ZNF569: variants seen among roughly 807,000 people sequenced by gnomAD.
ZNF569 encodes zinc finger protein 569, also known as DNA-binding protein.
A neutral mutation model predicts 56.3 loss-of-function variants in ZNF569; 38 were observed. The observed-to-expected ratio is 0.68, with a 90% CI of 0.52 to 0.88. The LOEUF is 0.88. ZNF569 is among the 40% of genes least tolerant of loss of function. The pLI, the probability that ZNF569 is intolerant of heterozygous loss-of-function variation, is 0.00. For missense variants in ZNF569, 666 were observed against 809.2 expected, an observed-to-expected ratio of 0.82 and a Z score of 2.15; for synonymous variants, 241 against 262.9, an observed-to-expected ratio of 0.92 and a Z score of 0.81.
chr19:37,445,894 T>C (rs149610400), intron 2 of ZNF569, among the ~76,000 whole-genome samples: 1 of 152,012 alleles, frequency 6.6e-6, no homozygotes, highest in East Asian at 1.9e-4. Context: ...ACAAATTTGA[T>C]GCAATTCCCA....
At chr19:37,422,416 A>G (rs2146878800) in intron 5 of ZNF569, among the ~76,000 whole-genome samples, 1 of 152,292 alleles carries the variant, frequency 6.6e-6, no homozygotes, top group South Asian at 2.1e-4. Flanking sequence ...AAACAATGAC[A>G]ACAGTAACAT....
rs372002839 is a variant in ZNF569 at position 37,414,244 on chromosome 19, C to T, written c.414G>A (p.Glu138=). ...DFFPSRHNLY[E]YDLFGKCLEH... ...CTAAACACTTTCCAAATAAGTCATA[C>T]TCATAGAGATTGTGTCTGGAAGGGA... The change falls in exon 6 of 6, where the codon GAG becomes GAA. Residue 138 remains glutamate, a synonymous_variant. Transcript: ENST00000316950. 4.0e-5 allele frequency: 64 copies of T among 1,613,328 alleles called. No homozygotes were observed. The Middle Eastern group carries it at 8.2e-4, about 21-fold the overall frequency.
At chr19:37,467,786 A>G, upstream of ZNF569, 1 of 1,178,820 alleles carries the variant, frequency 8.5e-7, no homozygotes, top group Non-Finnish European at 1.2e-6. Context: ...GACCCTGTCC[A>G]GTGACATCTG....
intron 2 of ZNF569, among the ~76,000 whole-genome samples, chr19:37,456,939 G>T (rs1020970271): frequency 1.5e-4 from 23 of 149,748 alleles, no homozygotes; most frequent in African/African-American, 5.7e-4. Flanking sequence ...TTGCACTCCA[G>T]CCTGGGCAAC....
At chr19:37,466,584 G>A (rs749394302) in intron 1 of ZNF569, among the ~76,000 whole-genome samples, 18 of 152,108 alleles carry the variant, frequency 1.2e-4, no homozygotes, top group Non-Finnish European at 1.8e-4. Flanking sequence ...CCAAGATCGC[G>A]CCATTGCCCT....
At chr19:37,422,457 A>G (rs1294096969) in intron 5 of ZNF569, among the ~76,000 whole-genome samples, 2 of 152,182 alleles carry the variant, frequency 1.3e-5, no homozygotes, top group Non-Finnish European at 2.9e-5. Context: ...TCCCCATAAC[A>G]GATAATAATA....
Position 37,454,714 on chromosome 19 carries a change from C to A in ZNF569, c.-43-9750G>T, listed in dbSNP as rs375082915. The A allele has an allele frequency of 4.2e-5, 27 of 639,084 alleles. 1 individual carries two copies. Among genetic ancestry groups the A allele is most frequent in the Admixed American group, 4.0e-4 (17 of 42,400 alleles). The allele number at this position is 639,084 out of a possible 1,614,324, so 39.6% of individuals were successfully genotyped here. The stretch of plus-strand genomic sequence containing the variant: ...TTGGGATTCCCAGAGGAAAAGCCTA[C>A]AAGAGACTGCAACCCCCACCTCCCT... On this transcript the variant is annotated intron_variant, in intron 2 of 5. Coordinates refer to ENST00000316950, the MANE Select transcript of ZNF569 (RefSeq NM_152484.3).
chr19:37,438,306 A>C (rs536379103), intron 3 of ZNF569, among the ~76,000 whole-genome samples: 1 of 152,296 alleles, frequency 6.6e-6, no homozygotes, highest in South Asian at 2.1e-4. Flanking sequence ...GGATTACCTA[A>C]GCCCAGGAGG....
At chr19:37,428,095 A>G (rs1239124841) in intron 3 of ZNF569, among the ~76,000 whole-genome samples, 8 of 152,252 alleles carry the variant, frequency 5.3e-5, no homozygotes, top group Non-Finnish European at 2.9e-5. Flanking sequence ...GAGAATCCCA[A>G]AAGAAATCAT....
intron 5 of ZNF569, among the ~76,000 whole-genome samples, chr19:37,419,592 CAG>C (rs2040995063): frequency 6.6e-6 from 1 of 152,002 alleles, no homozygotes. Context: ...GGCGTGGTGG[CAG>C]GCGCCTGTAA....
Position 37,413,347 on chromosome 19 carries a change from A to G in ZNF569, c.1311T>C (p.Pro437=). 1 of 1,607,872 alleles carries G rather than the reference A, an allele frequency of 6.2e-7. No homozygotes were observed. Among genetic ancestry groups the G allele is most frequent in the Non-Finnish European group, 8.5e-7 (1 of 1,178,164 alleles). Residue 437 remains proline (P), a synonymous_variant, in exon 6 of 6, where the codon CCT becomes CCC. Transcript: ENST00000316950. ...CTTTCCCACATTCATTACACTCATA[A>G]GGTTTCTCTCTAGTATGAATTTTCT... ...THQKIHTREK[P]YECNECGKAF... is the part of the protein sequence containing the mutation.
At chr19:37,432,299 C>A (rs911027036) in intron 3 of ZNF569, among the ~76,000 whole-genome samples, 4 of 152,170 alleles carry the variant, frequency 2.6e-5, no homozygotes, top group African/African-American at 9.7e-5. Context: ...TGTGTCACCC[C>A]TCCCCTAGCT....
chr19:37,443,053 C>A (rs2041432899), intron 3 of ZNF569, among the ~76,000 whole-genome samples: 1 of 152,116 alleles, frequency 6.6e-6, no homozygotes, highest in Non-Finnish European at 1.5e-5. Flanking sequence ...TAGAAGCTGG[C>A]AGATAAAAAT....
chr19:37,412,361 T>G lies in ZNF569; in HGVS notation c.*236A>C. The G allele has an allele frequency of 1.1e-5, 6 of 569,628 alleles. No homozygotes were observed. The highest frequency in any genetic ancestry group is 1.6e-5 in the Non-Finnish European group (6 of 379,820). The allele number at this position is 569,628 out of a possible 1,614,324, so 35.3% of individuals were successfully genotyped here. Reference sequence around the variant, plus strand: ...GAAGATACCTTGTTTCAGATTTCAATGAGAATGCTGATTAAATATTATCAA... The same window carrying G: ...GAAGATACCTTGTTTCAGATTTCAAGGAGAATGCTGATTAAATATTATCAA... On this transcript the variant is annotated 3_prime_UTR_variant, in exon 6 of 6. Transcript: ENST00000316950.
intron 2 of ZNF569, among the ~76,000 whole-genome samples, chr19:37,463,937 G>A (rs2041792668): frequency 6.6e-6 from 1 of 152,048 alleles, no homozygotes. Flanking sequence ...TACAATATGT[G>A]TTTTAAGTTA....
Position 37,412,653 on chromosome 19 carries a change from TGCCA to T in ZNF569, c.2001_2004del (p.Cys667Ter), listed in dbSNP as rs1227561150. 1 of 1,612,794 alleles carries T rather than the reference TGCCA, an allele frequency of 6.2e-7. No homozygotes were observed. Among genetic ancestry groups the T allele is most frequent in the Admixed American group, 1.7e-5 (1 of 59,718 alleles). On this transcript the variant is annotated frameshift_variant, in exon 6 of 6. Transcript: ENST00000316950. LOFTEE classifies it high-confidence loss of function. ...AGGTGCGACTTTTGGCTGAAAGCCT[TGCCA>T]CACTCAATACAGTGATAGGGCTTCT...
At chr19:37,460,452 T>A (rs561805048) in intron 2 of ZNF569, among the ~76,000 whole-genome samples, 91 of 152,074 alleles carry the variant, frequency 6.0e-4, no homozygotes, top group African/African-American at 2.2e-3. Context: ...CAATGGTAGA[T>A]GTTAATCCAA....
intron 3 of ZNF569, among the ~76,000 whole-genome samples, chr19:37,436,431 C>T (rs1386614179): frequency 6.6e-6 from 1 of 150,896 alleles, no homozygotes; most frequent in Admixed American, 6.6e-5. Context: ...CTTAAAAGAA[C>T]TAGAAAAGAG....
At chr19:37,462,861 T>C (rs2041776728) in intron 2 of ZNF569, among the ~76,000 whole-genome samples, 3 of 152,196 alleles carry the variant, frequency 2.0e-5, no homozygotes, top group Admixed American at 1.3e-4. Flanking sequence ...GTCTCCATCC[T>C]AGATCTTAGA....
Sources: gnomAD v4.1 joint callset for allele counts (sites outside exome capture counted in the v4.1 genomes callset) on GRCh38, gnomAD v4.1.1 for gene constraint, MANE v1.5 for transcripts, NCBI Gene and HGNC (gene_info 2026-07-23, HGNC 2026-07-21) for gene names.